Variants in ACAN observed in about 807,000 individuals in gnomAD.
The protein encoded by ACAN is aggrecan core protein.
Under a neutral mutation model 169.1 loss-of-function variants are expected in ACAN, and 47 were observed. The ratio of observed to expected loss-of-function variants is 0.28; its 90% CI spans 0.22 to 0.35. ACAN has a LOEUF of 0.35. Among genes scored for constraint, ACAN ranks in the 10% least tolerant of loss-of-function variants. The pLI is 1.00. For missense variants in ACAN, 2,716 were observed against 2,759.9 expected, an observed-to-expected ratio of 0.98 and a Z score of 0.36; for synonymous variants, 1,115 against 1,112.2, an observed-to-expected ratio of 1.00 and a Z score of -0.05.
In ACAN at chr15:88,843,539, C is replaced by T. The variant is rs746517194; in HGVS notation, c.942C>T (p.Ala314=). 1.7e-5 allele frequency: 28 copies of T among 1,612,618 alleles called. No individual in the cohort carries two copies. Among genetic ancestry groups the T allele is most frequent in the Admixed American group, 3.3e-5 (2 of 59,974 alleles). Residue 314 remains alanine (A), a synonymous_variant, in exon 6 of 19, where the codon GCC becomes GCT. Coordinates refer to ENST00000560601, the MANE Select transcript of ACAN (RefSeq NM_001369268.1). This position sits in a 1 kb window ranked among gnomAD's most constrained non-coding sequence, Gnocchi z 4.0. Reference sequence around the variant, plus strand: ...GCGTGCGCTACCCCATCTCCAAGGCCCGGCCCAACTGCGGTGGCAACCTCC... The same window carrying T: ...GCGTGCGCTACCCCATCTCCAAGGCTCGGCCCAACTGCGGTGGCAACCTCC... ...DRSVRYPISK[A]RPNCGGNLLG...
chr15:88,854,503 A>G (rs567823754), intron 11 of ACAN, among the ~76,000 whole-genome samples: 1 of 152,352 alleles, frequency 6.6e-6, no homozygotes, highest in Admixed American at 6.5e-5. Context: ...AGGCCCCCAC[A>G]TCCAGTGGGT....
intron 9 of ACAN, among the ~76,000 whole-genome samples, 157 bp downstream of exon 9, chr15:88,848,195 C>T (rs1045037141): frequency 6.6e-6 from 1 of 152,152 alleles, no homozygotes; most frequent in African/African-American, 2.4e-5. Context: ...AAAGGAAGGC[C>T]CCCAGCCCCT....
At position 88,872,883 on chromosome 15, in the gene ACAN, A is replaced by G. The variant is rs1241519626; in HGVS notation, c.7305A>G (p.Gln2435=). The G allele has an allele frequency of 1.9e-6, 3 of 1,613,424 alleles. No individual in the cohort carries two copies. Among genetic ancestry groups the G allele is most frequent in the African/African-American group, 1.3e-5 (1 of 75,010 alleles). ...TCCTTCCCCACTCCCACCCACAGCA[A>G]TTTGAGAACTGGCGCCCCAACCAGC... The part of the protein sequence containing the change: ...DFRWSDGHPM[Q]FENWRPNQPD... The change falls in exon 17 of 19, where the codon CAA becomes CAG. Residue 2435 remains glutamine, a splice_region_variant and synonymous_variant. Coordinates refer to ENST00000560601, the MANE Select transcript of ACAN (RefSeq NM_001369268.1). This position sits in a 1 kb window ranked among gnomAD's most constrained non-coding sequence, Gnocchi z 5.4.
At position 88,857,824 on chromosome 15, in the gene ACAN, G is replaced by A. The variant is rs1441661375; in HGVS notation, c.5239G>A (p.Gly1747Arg). 1.2e-6 allele frequency: 2 copies of A among 1,613,798 alleles called. No individual in the cohort carries two copies. Among genetic ancestry groups the A allele is most frequent in the Non-Finnish European group, 1.7e-6 (2 of 1,179,906 alleles). ...GCCATCAGGGTTTCCTGACACTAGT[G>A]GGGAAACATCTGGAGTGACTGAGCT... ...GQPSGFPDTS[G>R]ETSGVTELSG... The change falls in exon 12 of 19, where the codon GGG (glycine) becomes AGG (arginine). Residue 1747 changes from glycine (G) to arginine (R), a missense_variant. Physicochemically the swap from Gly to Arg is moderately radical, Grantham distance 125. Coordinates refer to ENST00000560601, the MANE Select transcript of ACAN (RefSeq NM_001369268.1).
At position 88,810,330 on chromosome 15, in the gene ACAN, C is replaced by T. The variant is rs186626893; in HGVS notation, c.-8+6521C>T. Among the ~76,000 whole-genome samples the T allele has an allele frequency of 3.9e-3, 588 of 152,172 alleles. 5 individuals are homozygous for T. The highest frequency in any genetic ancestry group is 6.4e-3 in the Non-Finnish European group (436 of 68,012). On this transcript the variant is annotated intron_variant, in intron 1 of 18. Transcript: ENST00000560601. ...TTCTGGCTCTGTCCCTCCATGTCCT[C>T]GCTGTTTCCAGGGCTAATTTTGGGG... is the stretch of plus-strand genomic sequence containing the variant.
chr15:88,854,720 T>G, intron 11 of ACAN, 132 bp from the exon 12 acceptor site: 1 of 969,548 alleles, frequency 1.0e-6, no homozygotes, highest in Non-Finnish European at 1.4e-6. Context: ...TAGAAAGCAT[T>G]TGGACACGTT....
chr15:88,842,883 C>A (rs115541851), intron 5 of ACAN, among the ~76,000 whole-genome samples: 1 of 152,098 alleles, frequency 6.6e-6, no homozygotes, highest in Non-Finnish European at 1.5e-5. Context: ...GATGCTCTTA[C>A]GGACTCTTCA....
intron 4 of ACAN, among the ~76,000 whole-genome samples, chr15:88,841,200 C>T (rs1896652792): frequency 6.6e-6 from 1 of 152,212 alleles, no homozygotes; most frequent in African/African-American, 2.4e-5. Flanking sequence ...AGCTGCGTGA[C>T]TGTGGACAAA....
In ACAN at chr15:88,807,940, A is replaced by G. The variant is rs1371999038; in HGVS notation, c.-8+4131A>G. ...TGTGATGCTGGGCATCACGATTTGGATATTTGGTTACCTTTGAGGTTACAT... is the reference window on the plus strand; with the variant it reads ...TGTGATGCTGGGCATCACGATTTGGGTATTTGGTTACCTTTGAGGTTACAT... On this transcript the variant is annotated intron_variant, in intron 1 of 18. Coordinates refer to ENST00000560601, the MANE Select transcript of ACAN (RefSeq NM_001369268.1). The surrounding 1 kb of genome is among the most constrained non-coding windows in gnomAD (Gnocchi z 4.0). 6.6e-6 allele frequency among the ~76,000 whole-genome samples: 1 copy of G among 151,842 alleles called. No homozygotes were observed. The highest frequency in any genetic ancestry group is 1.5e-5 in the Non-Finnish European group (1 of 67,978).
Position 88,845,416 on chromosome 15 carries a change from G to A in ACAN, c.1052-89G>A, listed in dbSNP as rs547071885. On this transcript the variant is annotated intron_variant, in intron 6 of 18. Transcript: ENST00000560601. ...CTCCTGCCCCAGCAGGGAAGGAGGG[G>A]GAGCCATGCTCATCTCCAGCCCACT... 1.6e-5 allele frequency: 24 copies of A among 1,499,872 alleles called. No individual in the cohort carries two copies. The East Asian group carries it at 5.3e-4, about 33-fold the overall frequency. The allele number at this position is 1,499,872 out of a possible 1,614,324, so 92.9% of individuals were successfully genotyped here. A position where few individuals can be genotyped will look rare whatever the true frequency, so the allele number is the denominator to read the frequency against.
At position 88,861,797 on chromosome 15, in the gene ACAN, A is replaced by C. The variant is rs1486598270; in HGVS notation, c.6946+1358A>C. Among the ~76,000 whole-genome samples the C allele has an allele frequency of 6.6e-6, 1 of 152,236 alleles. No individual in the cohort carries two copies. The highest frequency in any genetic ancestry group is 1.5e-5 in the Non-Finnish European group (1 of 68,042). ...GAGGCAAAAATCTGACACTAGCATC[A>C]GAAGTCAAAGCAAGGCTCATGTTCT... is the stretch of plus-strand genomic sequence containing the variant. On this transcript the variant is annotated intron_variant, in intron 13 of 18. Coordinates refer to ENST00000560601, the MANE Select transcript of ACAN (RefSeq NM_001369268.1). This position sits in a 1 kb window ranked among gnomAD's most constrained non-coding sequence, Gnocchi z 6.3.
intron 1 of ACAN, among the ~76,000 whole-genome samples, chr15:88,833,437 G>T (rs889681688): frequency 6.6e-6 from 1 of 151,608 alleles, no homozygotes; most frequent in Admixed American, 6.6e-5. Flanking sequence ...CTATGCTGTC[G>T]CCCTGTCAGC....
In ACAN at chr15:88,871,247, T is replaced by C; in HGVS notation, c.7061-135T>C. The C allele has an allele frequency of 7.1e-6, 9 of 1,271,004 alleles. No homozygotes were observed. The highest frequency in any genetic ancestry group is 9.8e-6 in the Non-Finnish European group (9 of 919,426). 78.7% of individuals were successfully genotyped at this position (1,271,004 alleles called of 1,614,324 possible). On this transcript the variant is annotated intron_variant, in intron 14 of 18. Transcript: ENST00000560601. This position sits in a 1 kb window ranked among gnomAD's most constrained non-coding sequence, Gnocchi z 7.8. ...AGTTTCCAACCTGAACTCCTCCAGC[T>C]GTGCCTCTCCCTTCCCTTGAGGGCA... is the stretch of plus-strand genomic sequence containing the variant.
At chr15:88,829,811 A>T (rs1265496588) in intron 1 of ACAN, among the ~76,000 whole-genome samples, 1 of 152,224 alleles carries the variant, frequency 6.6e-6, no homozygotes, top group Non-Finnish European at 1.5e-5. Context: ...GAGGTGTCAA[A>T]TACCATTTTG....
chr15:88,855,453 A>T lies in ACAN; in HGVS notation c.2868A>T (p.Gly956=), dbSNP rs530856728. ...GSASGVGDLS[G]LPSGEVLETS... The stretch of plus-strand genomic sequence containing the variant: ...CCTCTGGAGTTGGGGATCTCAGTGG[A>T]CTTCCTTCTGGAGAAGTTCTAGAGA... The change falls in exon 12 of 19, where the codon GGA becomes GGT. Residue 956 remains glycine (G), a synonymous_variant. Transcript: ENST00000560601. The T allele has an allele frequency of 1.9e-6, 3 of 1,613,498 alleles. No homozygotes were observed. The East Asian group carries it at 6.7e-5, about 36-fold the overall frequency.
At chr15:88,810,684 T>A (rs1182105516) in intron 1 of ACAN, among the ~76,000 whole-genome samples, 1 of 152,170 alleles carries the variant, frequency 6.6e-6, no homozygotes, top group Non-Finnish European at 1.5e-5. Flanking sequence ...CCTGGAGGTG[T>A]CATTAGAGTT....
intron 1 of ACAN, among the ~76,000 whole-genome samples, chr15:88,812,290 GA>G (rs1190259116): frequency 6.6e-6 from 1 of 152,142 alleles, no homozygotes; most frequent in African/African-American, 2.4e-5. Flanking sequence ...TGGAAAACAG[GA>G]CTCCCACCCC....
intron 1 of ACAN, among the ~76,000 whole-genome samples, chr15:88,810,798 G>T (rs909413244): frequency 6.6e-6 from 1 of 152,190 alleles, no homozygotes; most frequent in South Asian, 2.1e-4. Context: ...TGAGATGGGG[G>T]CTTGGAGGCG....
chr15:88,823,339 A>C (rs1896125854), intron 1 of ACAN, among the ~76,000 whole-genome samples: 1 of 152,168 alleles, frequency 6.6e-6, no homozygotes, highest in Admixed American at 6.5e-5. Context: ...GAAAACTTCC[A>C]AGTGCTTGGA....
Sources: gnomAD v4.1 joint callset for allele counts (sites outside exome capture counted in the v4.1 genomes callset) on GRCh38, gnomAD v4.1.1 for gene constraint, Gnocchi (gnomAD v3.1) non-coding constraint, MANE v1.5 for transcripts, NCBI Gene and HGNC (gene_info 2026-07-23, HGNC 2026-07-21) for gene names.